The following GABBR2 variants were observed in gnomAD, a reference collection of about 807,000 sequenced individuals.
The protein encoded by GABBR2 is gamma-aminobutyric acid type B receptor subunit 2.
GABBR2 carries 23 observed loss-of-function variants against 105.6 expected under a neutral mutation model. The observed-to-expected ratio is 0.22, with a 90% confidence interval of 0.16 to 0.31. The LOEUF (loss-of-function observed/expected upper bound fraction) is 0.31, where lower values mean the gene tolerates loss of function less well. Ranked by LOEUF, GABBR2 falls within the 10% of genes least tolerant of loss-of-function variation. The pLI, the probability that GABBR2 is intolerant of heterozygous loss-of-function variation, is 1.00. For missense variants in GABBR2, 734 were observed against 1,245.5 expected, an observed-to-expected ratio of 0.59 and a Z score of 6.18; for synonymous variants, 478 against 499.7, an observed-to-expected ratio of 0.96 and a Z score of 0.58.
At chr9:98,528,262 A>C (rs1396576786) in intron 3 of GABBR2, among the ~76,000 whole-genome samples, 1 of 152,162 alleles carries the variant, frequency 6.6e-6, no homozygotes, top group African/African-American at 2.4e-5. Context: ...AGATATATTA[A>C]GTGCTGAAAG....
At chr9:98,658,242 A>C (rs1352043490) in intron 1 of GABBR2, among the ~76,000 whole-genome samples, 1 of 152,188 alleles carries the variant, frequency 6.6e-6, no homozygotes, top group African/African-American at 2.4e-5. Context: ...GATGCACACC[A>C]GAATCACCAA....
Position 98,388,716 on chromosome 9 carries a change from A to T in GABBR2, c.1529+138T>A. 1.6e-6 allele frequency: 1 copy of T among 618,952 alleles called. No individual in the cohort carries two copies. The highest frequency in any genetic ancestry group is 2.8e-6 in the Non-Finnish European group (1 of 358,212). The allele number at this position is 618,952 out of a possible 1,614,324, so 38.3% of individuals were successfully genotyped here. A position where few individuals can be genotyped will look rare whatever the true frequency, so the allele number is the denominator to read the frequency against. The stretch of plus-strand genomic sequence containing the variant: ...ATGTAACACCTACAACATCCTAGCA[A>T]CGGAGGAACACTTTGGGAAACTCTG... On this transcript the variant is annotated intron_variant, in intron 10 of 18. Coordinates refer to ENST00000259455, the MANE Select transcript of GABBR2 (RefSeq NM_005458.8). The surrounding 1 kb of genome is among the most constrained non-coding windows in gnomAD (Gnocchi z 4.4).
chr9:98,330,034 G>A (rs16914931), intron 13 of GABBR2, among the ~76,000 whole-genome samples: 15,204 of 152,154 alleles, frequency 0.1, 853 homozygotes, highest in Middle Eastern at 0.19. Context: ...CAGAGTAGGC[G>A]TTATCAAGAG....
chr9:98,352,168 A>G (rs940668448), intron 13 of GABBR2, among the ~76,000 whole-genome samples: 9 of 152,240 alleles, frequency 5.9e-5, no homozygotes, highest in Admixed American at 2.6e-4. Context: ...GCTTTACTGG[A>G]GATAAGGACA....
chr9:98,445,749 C>T (rs973688462), intron 7 of GABBR2, among the ~76,000 whole-genome samples: 3 of 152,212 alleles, frequency 2.0e-5, no homozygotes, highest in African/African-American at 7.2e-5. Flanking sequence ...ATTGCCCAAT[C>T]CTGTAGGGAC....
intron 7 of GABBR2, among the ~76,000 whole-genome samples, chr9:98,444,088 C>T (rs953950534): frequency 1.3e-5 from 2 of 152,186 alleles, no homozygotes; most frequent in African/African-American, 2.4e-5. Context: ...AATCATTGAA[C>T]TTTGCTGAGC....
At chr9:98,631,808 C>T (rs1166564038) in intron 1 of GABBR2, among the ~76,000 whole-genome samples, 1 of 152,200 alleles carries the variant, frequency 6.6e-6, no homozygotes, top group Non-Finnish European at 1.5e-5. Flanking sequence ...ATTTCAGCAG[C>T]TTTTAGTCCA....
intron 13 of GABBR2, among the ~76,000 whole-genome samples, chr9:98,346,727 C>T (rs1032026235): frequency 3.3e-5 from 5 of 152,190 alleles, no homozygotes; most frequent in African/African-American, 9.7e-5. Context: ...CCATACTCCC[C>T]TACCTTCTAC....
intron 8 of GABBR2, among the ~76,000 whole-genome samples, chr9:98,403,119 C>A (rs1832423895): frequency 6.6e-6 from 1 of 151,878 alleles, no homozygotes; most frequent in African/African-American, 2.4e-5. Flanking sequence ...TATGGTGAAA[C>A]CCCATCTCTA....
At chr9:98,476,646 C>CA (rs1337245169) in intron 5 of GABBR2, among the ~76,000 whole-genome samples, 1 of 152,212 alleles carries the variant, frequency 6.6e-6, no homozygotes, top group Non-Finnish European at 1.5e-5. Flanking sequence ...TCATTCTGAA[C>CA]ATAAGTCACT....
chr9:98,555,569 G>C (rs1040924347), intron 2 of GABBR2: 6 of 152,146 alleles, frequency 3.9e-5, no homozygotes, highest in African/African-American at 1.4e-4. Flanking sequence ...CGGCTCCTTT[G>C]CACTTGGCTT....
chr9:98,299,454 T>C (rs1014820201), intron 16 of GABBR2, 101 bp from the exon 17 acceptor site: 12 of 1,226,798 alleles, frequency 9.8e-6, no homozygotes, highest in Non-Finnish European at 1.4e-5. Flanking sequence ...CCTTTACCTG[T>C]ATTCAGGAGT....
intron 13 of GABBR2, among the ~76,000 whole-genome samples, chr9:98,343,925 T>C (rs905800206): frequency 6.6e-6 from 1 of 152,170 alleles, no homozygotes; most frequent in Non-Finnish European, 1.5e-5. Context: ...ACATACATAC[T>C]GTCAATTCGT....
intron 1 of GABBR2, chr9:98,607,469 C>A: frequency 1.8e-6 from 1 of 570,002 alleles, no homozygotes; most frequent in Non-Finnish European, 3.1e-6. Context: ...TGAAAGAAAC[C>A]CAAGAACATA....
chr9:98,421,636 C>T (rs1213085099), intron 7 of GABBR2, among the ~76,000 whole-genome samples: 1 of 152,062 alleles, frequency 6.6e-6, no homozygotes, highest in Non-Finnish European at 1.5e-5. Flanking sequence ...ACTAAGGGTG[C>T]TTTAAACTGA....
intron 11 of GABBR2, among the ~76,000 whole-genome samples, chr9:98,383,523 G>A (rs1281228575): frequency 2.0e-5 from 3 of 152,186 alleles, no homozygotes; most frequent in Non-Finnish European, 4.4e-5. Context: ...GGAGCACTGG[G>A]GTTTGACAGT....
chr9:98,483,449 G>T (rs181021060), intron 4 of GABBR2, among the ~76,000 whole-genome samples: 53 of 152,218 alleles, frequency 3.5e-4, no homozygotes, highest in Admixed American at 3.1e-3. Flanking sequence ...TCTGTCCATG[G>T]CTTCCTGAGG....
chr9:98,530,955 G>T (rs1828057312), intron 3 of GABBR2, among the ~76,000 whole-genome samples: 1 of 152,150 alleles, frequency 6.6e-6, no homozygotes, highest in South Asian at 2.1e-4. Context: ...CTTGAGTCCT[G>T]CCCTGGGAGC....
chr9:98,444,002 A>G (rs1196507065), intron 7 of GABBR2, among the ~76,000 whole-genome samples: 2 of 152,238 alleles, frequency 1.3e-5, no homozygotes, highest in African/African-American at 4.8e-5. Flanking sequence ...TAAATGCTTA[A>G]GAATATGGAC....
Sources: gnomAD v4.1 joint callset for allele counts (sites outside exome capture counted in the v4.1 genomes callset) on GRCh38, gnomAD v4.1.1 for gene constraint, Gnocchi (gnomAD v3.1) non-coding constraint, MANE v1.5 for transcripts, NCBI Gene and HGNC (gene_info 2026-07-23, HGNC 2026-07-21) for gene names.